EFNA5: variants seen among roughly 807,000 people sequenced by gnomAD.
The protein encoded by EFNA5 is ephrin-A5.
EFNA5 carries 5 observed loss-of-function variants against 22.9 expected under a neutral mutation model. The ratio of observed to expected loss-of-function variants is 0.22; its 90% confidence interval spans 0.11 to 0.46. EFNA5 has a LOEUF of 0.46. EFNA5 is among the 20% of genes least tolerant of loss of function. EFNA5 has a pLI of 0.99. For missense variants in EFNA5, 237 were observed against 293.3 expected, an observed-to-expected ratio of 0.81 and a Z score of 1.40; for synonymous variants, 113 against 112.2, an observed-to-expected ratio of 1.01 and a Z score of -0.04.
Position 107,511,867 on chromosome 5 carries a change from G to A in EFNA5, c.126-84358C>T, listed in dbSNP as rs143262647. ...TATATGTAGACATGGTTTGTTCAAA[G>A]GGCTAAAAAACAATTATAGCCCTGC... On this transcript the variant is annotated intron_variant, in intron 1 of 4. Coordinates refer to ENST00000333274, the MANE Select transcript of EFNA5 (RefSeq NM_001962.3). Among the ~76,000 whole-genome samples the A allele has an allele frequency of 7.9e-3, 1,197 of 151,824 alleles. 2 individuals carry two copies. Among genetic ancestry groups the A allele is most frequent in the African/African-American group, 0.014 (587 of 41,386 alleles).
chr5:107,470,234 G>C (rs978044097), intron 1 of EFNA5, among the ~76,000 whole-genome samples: 2 of 152,112 alleles, frequency 1.3e-5, no homozygotes, highest in African/African-American at 4.8e-5. Context: ...CAACAGTGAG[G>C]GTCCTGGGAA....
intron 1 of EFNA5, among the ~76,000 whole-genome samples, chr5:107,523,091 CGTTT>C (rs377369733): frequency 4.6e-5 from 7 of 152,022 alleles, no homozygotes; most frequent in African/African-American, 1.2e-4. Flanking sequence ...ACTGTTTTTT[CGTTT>C]GTTTGTTTAT....
intron 1 of EFNA5, among the ~76,000 whole-genome samples, chr5:107,591,823 AAAAATATATATATATATAT>A (rs1331909658): frequency 3.8e-5 from 4 of 103,958 alleles, no homozygotes; most frequent in Non-Finnish European, 7.5e-5. Flanking sequence ...TCCGTCTCAA[AAAAATATATATATATATAT>A]AAAATATATA....
intron 1 of EFNA5, among the ~76,000 whole-genome samples, chr5:107,427,891 T>C (rs1374639465): frequency 6.6e-6 from 1 of 152,200 alleles, no homozygotes; most frequent in Non-Finnish European, 1.5e-5. Flanking sequence ...ATTTTTATAA[T>C]AGTGTTTCAC....
At chr5:107,451,567 G>C (rs1414794617) in intron 1 of EFNA5, among the ~76,000 whole-genome samples, 3 of 152,142 alleles carry the variant, frequency 2.0e-5, no homozygotes, top group Admixed American at 6.5e-5. Context: ...TAGATAGACA[G>C]ATAATCTATA....
intron 1 of EFNA5, among the ~76,000 whole-genome samples, chr5:107,439,155 T>A (rs1239722064): frequency 6.6e-6 from 1 of 152,146 alleles, no homozygotes; most frequent in East Asian, 1.9e-4. Flanking sequence ...TAAGGTTAAA[T>A]GAAGTCACAA....
chr5:107,381,183 G>T lies in EFNA5; in HGVS notation c.*72C>A, dbSNP rs757000287. ...CCAATAACAAGTCCCTTCTTAGGATGAGCAGTTAGGTGGATCTCTGGTGTT... is the reference window on the plus strand; with the variant it reads ...CCAATAACAAGTCCCTTCTTAGGATTAGCAGTTAGGTGGATCTCTGGTGTT... On this transcript the variant is annotated 3_prime_UTR_variant, in exon 5 of 5. Coordinates refer to ENST00000333274, the MANE Select transcript of EFNA5 (RefSeq NM_001962.3). 2.4e-5 allele frequency: 37 copies of T among 1,527,018 alleles called. No homozygotes were observed. Among genetic ancestry groups the T allele is most frequent in the Non-Finnish European group, 3.1e-5 (35 of 1,123,674 alleles). 94.6% of individuals were successfully genotyped at this position (1,527,018 alleles called of 1,614,324 possible).
chr5:107,565,710 T>C (rs1748651610), intron 1 of EFNA5, among the ~76,000 whole-genome samples: 1 of 152,210 alleles, frequency 6.6e-6, no homozygotes, highest in South Asian at 2.1e-4. Context: ...AACTTTTTCC[T>C]TTATAATATT....
chr5:107,615,529 G>A (rs890763001), intron 1 of EFNA5, among the ~76,000 whole-genome samples: 6 of 152,132 alleles, frequency 3.9e-5, no homozygotes, highest in African/African-American at 1.4e-4. Context: ...TTTAGCTGGA[G>A]TCAATCAAGC....
chr5:107,659,477 T>A (rs1302255069), intron 1 of EFNA5, among the ~76,000 whole-genome samples: 1 of 151,338 alleles, frequency 6.6e-6, no homozygotes, highest in African/African-American at 2.4e-5. Context: ...TGCTAAAAGT[T>A]TGAGTTTTTT....
At chr5:107,430,372 A>AT (rs1480079306) in intron 1 of EFNA5, among the ~76,000 whole-genome samples, 3 of 152,114 alleles carry the variant, frequency 2.0e-5, no homozygotes, top group Non-Finnish European at 4.4e-5. Flanking sequence ...ATTATTATAG[A>AT]TTTTAAAGAG....
intron 1 of EFNA5, among the ~76,000 whole-genome samples, chr5:107,663,252 G>A: frequency 6.6e-6 from 1 of 151,934 alleles, no homozygotes; most frequent in Non-Finnish European, 1.5e-5. Context: ...TTAACTGAAA[G>A]CCAAAAAACA....
intron 1 of EFNA5, among the ~76,000 whole-genome samples, chr5:107,468,294 C>G (rs1268825212): frequency 6.6e-6 from 1 of 152,170 alleles, no homozygotes; most frequent in Non-Finnish European, 1.5e-5. Flanking sequence ...CACATATTTT[C>G]TTGGAAATAG....
chr5:107,553,130 A>T (rs1181147382), intron 1 of EFNA5, among the ~76,000 whole-genome samples: 1 of 152,094 alleles, frequency 6.6e-6, no homozygotes, highest in East Asian at 1.9e-4. Context: ...ACAGGGAGAG[A>T]AAAAGAACTG....
At chr5:107,546,904 G>GA (rs1748171057) in intron 1 of EFNA5, among the ~76,000 whole-genome samples, 1 of 152,120 alleles carries the variant, frequency 6.6e-6, no homozygotes, top group Admixed American at 6.6e-5. Flanking sequence ...ACATGCCAAT[G>GA]AATGGTCTCT....
Position 107,381,062 on chromosome 5 carries a change from G to A in EFNA5, c.*193C>T. ...GGCTGGGGGTGGGGCGGGGTGGGGT[G>A]AGGGAGGCAGGAACAAGTTTAGGCC... On this transcript the variant is annotated 3_prime_UTR_variant, in exon 5 of 5. Coordinates refer to ENST00000333274, the MANE Select transcript of EFNA5 (RefSeq NM_001962.3). 2.8e-6 allele frequency: 2 copies of A among 723,984 alleles called. No individual in the cohort carries two copies. The highest frequency in any genetic ancestry group is 4.2e-6 in the Non-Finnish European group (2 of 473,688). The allele number at this position is 723,984 out of a possible 1,614,324, so 44.8% of individuals were successfully genotyped here. A position where few individuals can be genotyped will look rare whatever the true frequency, so the allele number is the denominator to read the frequency against.
intron 1 of EFNA5, among the ~76,000 whole-genome samples, chr5:107,622,586 C>A (rs1462500569): frequency 6.6e-6 from 1 of 152,148 alleles, no homozygotes; most frequent in East Asian, 1.9e-4. Flanking sequence ...TGCTACTATG[C>A]TCAACTCCTT....
chr5:107,395,294 C>T (rs1215679045), intron 2 of EFNA5, among the ~76,000 whole-genome samples: 1 of 152,076 alleles, frequency 6.6e-6, no homozygotes, highest in Non-Finnish European at 1.5e-5. Flanking sequence ...CTGCCTCAGC[C>T]TGCCAAAGTG....
At chr5:107,477,849 T>G (rs1323493845) in intron 1 of EFNA5, among the ~76,000 whole-genome samples, 1 of 152,178 alleles carries the variant, frequency 6.6e-6, no homozygotes, top group Non-Finnish European at 1.5e-5. Context: ...CAAATCAATA[T>G]ACCCTAAATC....
Sources: gnomAD v4.1 joint callset for allele counts (sites outside exome capture counted in the v4.1 genomes callset) on GRCh38, gnomAD v4.1.1 for gene constraint, MANE v1.5 for transcripts, NCBI Gene and HGNC (gene_info 2026-07-23, HGNC 2026-07-21) for gene names.